The following TASP1 variants were observed in gnomAD, a reference collection of about 807,000 sequenced individuals.
TASP1 encodes threonine aspartase 1.
Under a neutral mutation model 56.6 loss-of-function variants are expected in TASP1, and 16 were observed. That is an observed-to-expected ratio of 0.28 (90% CI 0.19 to 0.43). The LOEUF (loss-of-function observed/expected upper bound fraction) is 0.43, where lower values mean the gene tolerates loss of function less well. Ranked by LOEUF, TASP1 falls within the 20% of genes least tolerant of loss-of-function variation. The pLI is 1.00. For missense variants in TASP1, 393 were observed against 511.6 expected (o/e 0.77, Z 2.24); for synonymous variants, 179 against 184.2 (o/e 0.97, Z 0.23).
chr20:13,394,723 A>C lies in TASP1; in HGVS notation c.1171-4271T>G, dbSNP rs6131470. On this transcript the variant is annotated intron_variant, in intron 13 of 13. Coordinates refer to ENST00000337743, the MANE Select transcript of TASP1 (RefSeq NM_017714.3). ...GATGGAGCTTTAGATTCTCAGATGC[A>C]AACAGCTCCACACCAATGGGATCCA... Among the ~76,000 whole-genome samples, 13 of 152,282 alleles carry C rather than the reference A, an allele frequency of 8.5e-5. No homozygotes were observed. In the East Asian group the frequency reaches 2.5e-3, roughly 29 times the overall value.
chr20:13,479,233 T>C (rs1038438153), intron 11 of TASP1, among the ~76,000 whole-genome samples: 1 of 152,082 alleles, frequency 6.6e-6, no homozygotes, highest in African/African-American at 2.4e-5. Flanking sequence ...ACACATGCAT[T>C]GTAATGAGAA....
At chr20:13,270,486 C>CTTGT in the TASP1 span, 8 of 1,602,544 alleles carry the variant, frequency 5.0e-6, no homozygotes, top group South Asian at 5.6e-5. Context: ...CAGGTGTTTG[C>CTTGT]TTGTTTGTTT....
At chr20:13,285,020 C>T in the TASP1 span, among the ~76,000 whole-genome samples, 33,313 of 152,120 alleles carry the variant, frequency 0.22, 3,698 homozygotes, top group African/African-American at 0.26. Context: ...GGCATGGTGA[C>T]GTATGTCTGT....
rs1338796608 is a variant in TASP1 at position 13,519,633 on chromosome 20, G to C, written c.874+8800C>G. Among the ~76,000 whole-genome samples the C allele has an allele frequency of 2.0e-5, 3 of 152,174 alleles. No individual in the cohort carries two copies. In the South Asian group the frequency reaches 6.2e-4, roughly 32 times the overall value. ...GATGGGAAGTATCTCAAAATAATAA[G>C]AGCTATCTATGACAAACCCACAGCC... On this transcript the variant is annotated intron_variant, in intron 10 of 13. Coordinates refer to ENST00000337743, the MANE Select transcript of TASP1 (RefSeq NM_017714.3).
chr20:13,571,610 T>G (rs1172998273), intron 6 of TASP1, among the ~76,000 whole-genome samples: 1 of 152,190 alleles, frequency 6.6e-6, no homozygotes, highest in Non-Finnish European at 1.5e-5. Context: ...TGCCTTGCCC[T>G]GTATTCCCTG....
At chr20:13,271,436 C>T in the TASP1 span, among the ~76,000 whole-genome samples, 1 of 152,180 alleles carries the variant, frequency 6.6e-6, no homozygotes, top group Non-Finnish European at 1.5e-5. Flanking sequence ...ACTGAAATAG[C>T]TCAGTATACT....
intron 13 of TASP1, among the ~76,000 whole-genome samples, chr20:13,416,691 T>G (rs1283720800): frequency 2.0e-5 from 3 of 152,234 alleles, no homozygotes; most frequent in Non-Finnish European, 4.4e-5. Flanking sequence ...ACTGAGGTAC[T>G]TTAATGCCAA....
At chr20:13,220,737 G>C in the TASP1 span, among the ~76,000 whole-genome samples, 1 of 152,232 alleles carries the variant, frequency 6.6e-6, no homozygotes, top group Non-Finnish European at 1.5e-5. Flanking sequence ...CCTTCGGAAC[G>C]ACACTTTGGC....
At chr20:13,575,981 G>A (rs2046890525) in intron 6 of TASP1, among the ~76,000 whole-genome samples, 1 of 152,070 alleles carries the variant, frequency 6.6e-6, no homozygotes, top group Admixed American at 6.6e-5. Flanking sequence ...GGAGGCTGAG[G>A]TGGGCGGATC....
chr20:13,299,258 G>A, the TASP1 span: 3 of 1,607,118 alleles, frequency 1.9e-6, no homozygotes, highest in African/African-American at 1.3e-5. This position sits in a 1 kb window ranked among gnomAD's most constrained non-coding sequence, Gnocchi z 5.8. Flanking sequence ...CCAGGGGCAA[G>A]GGGGCGGGCA....
At chr20:13,492,316 C>T (rs1383409119) in intron 10 of TASP1, among the ~76,000 whole-genome samples, 1 of 152,186 alleles carries the variant, frequency 6.6e-6, no homozygotes, top group Non-Finnish European at 1.5e-5. Flanking sequence ...AAGAAAGGGC[C>T]TTTCCAAATT....
chr20:13,158,332 G>A, the TASP1 span, among the ~76,000 whole-genome samples: 7 of 152,188 alleles, frequency 4.6e-5, no homozygotes, highest in African/African-American at 1.7e-4. Context: ...AGCTTTAGTA[G>A]TGTAAGGTTT....
intron 10 of TASP1, among the ~76,000 whole-genome samples, chr20:13,496,460 T>C (rs1229443148): frequency 6.6e-6 from 1 of 150,510 alleles, no homozygotes; most frequent in East Asian, 1.9e-4. Flanking sequence ...AACTAGATTA[T>C]TATGTTAAAA....
the TASP1 span, among the ~76,000 whole-genome samples, chr20:13,262,633 A>G: frequency 5.9e-3 from 895 of 152,300 alleles, 6 homozygotes; most frequent in African/African-American, 0.02. Flanking sequence ...TTTGCCAGCA[A>G]TGGAGAAAGC....
intron 13 of TASP1, among the ~76,000 whole-genome samples, chr20:13,401,330 C>G (rs938408734): frequency 1.3e-5 from 2 of 151,998 alleles, no homozygotes; most frequent in African/African-American, 4.8e-5. Flanking sequence ...GAAGAAAGGA[C>G]AGTGGGAACA....
chr20:13,626,527 T>C (rs1257340154), intron 2 of TASP1, among the ~76,000 whole-genome samples: 1 of 152,176 alleles, frequency 6.6e-6, no homozygotes, highest in Non-Finnish European at 1.5e-5. Context: ...CTGCAGACTC[T>C]GACACAAACC....
chr20:13,249,901 C>T, the TASP1 span, among the ~76,000 whole-genome samples: 1 of 152,026 alleles, frequency 6.6e-6, no homozygotes, highest in African/African-American at 2.4e-5. Context: ...CCTTTTTTCT[C>T]ATTTGCAAAA....
At chr20:13,295,754 C>T in the TASP1 span, among the ~76,000 whole-genome samples, 1 of 152,222 alleles carries the variant, frequency 6.6e-6, no homozygotes, top group Non-Finnish European at 1.5e-5. Context: ...GGAATCCCAG[C>T]AAAAGTTGCC....
At chr20:13,562,947 GTT>G (rs1491247590) in intron 7 of TASP1, among the ~76,000 whole-genome samples, 2 of 124,056 alleles carry the variant, frequency 1.6e-5, no homozygotes, top group Non-Finnish European at 3.4e-5. Flanking sequence ...GTGTGTGTGT[GTT>G]GTGTATGTGT....
Sources: allele counts gnomAD v4.1 joint callset (sites outside exome capture counted in the v4.1 genomes callset), GRCh38; gene constraint gnomAD v4.1.1; non-coding constraint Gnocchi (gnomAD v3.1); transcripts MANE v1.5; gene names NCBI Gene and HGNC (gene_info 2026-07-23, HGNC 2026-07-21).